AKAP19: variants seen among roughly 807,000 people sequenced by gnomAD.
AKAP19 encodes small A-kinase anchoring protein.
the AKAP19 span, among the ~76,000 whole-genome samples, chr2:190,042,284 G>A: frequency 6.6e-6 from 1 of 152,006 alleles, no homozygotes; most frequent in Non-Finnish European, 1.5e-5. Context: ...ATCTCTTCTA[G>A]GTTTTCTAGT....
the AKAP19 span, among the ~76,000 whole-genome samples, chr2:189,908,116 T>A: frequency 1.3e-5 from 2 of 152,060 alleles, no homozygotes; most frequent in Admixed American, 1.3e-4. Context: ...TTGTCTTTCC[T>A]CTTCTAGTAC....
At chr2:189,990,651 C>A in the AKAP19 span, among the ~76,000 whole-genome samples, 13 of 152,192 alleles carry the variant, frequency 8.5e-5, no homozygotes, top group African/African-American at 3.1e-4. Context: ...AGGGTTATTT[C>A]TCTTCTTTTT....
the AKAP19 span, among the ~76,000 whole-genome samples, chr2:190,117,936 G>T: frequency 9.0e-4 from 137 of 152,134 alleles, no homozygotes; most frequent in African/African-American, 3.2e-3. Context: ...AGGCAAAGCT[G>T]GTTTTTTGAA....
chr2:189,911,704 A>AT, the AKAP19 span, among the ~76,000 whole-genome samples: 2 of 152,182 alleles, frequency 1.3e-5, no homozygotes, highest in South Asian at 2.1e-4. Context: ...TTAAAGGCTG[A>AT]TTTTTTTAAA....
chr2:190,005,551 A>T, the AKAP19 span, among the ~76,000 whole-genome samples: 1 of 152,180 alleles, frequency 6.6e-6, no homozygotes, highest in East Asian at 1.9e-4. Flanking sequence ...TACTGCCATA[A>T]GACTTCTGTT....
chr2:190,129,187 C>T, the AKAP19 span, among the ~76,000 whole-genome samples: 2 of 151,972 alleles, frequency 1.3e-5, no homozygotes, highest in East Asian at 3.9e-4. Context: ...TTTACTGATG[C>T]CTCATAATTT....
At chr2:190,080,508 G>A in the AKAP19 span, among the ~76,000 whole-genome samples, 735 of 152,330 alleles carry the variant, frequency 4.8e-3, 2 homozygotes, top group African/African-American at 0.017. Flanking sequence ...AGTTTGCCAG[G>A]TGAATGAGGT....
chr2:190,063,238 C>A, the AKAP19 span, among the ~76,000 whole-genome samples: 1 of 152,010 alleles, frequency 6.6e-6, no homozygotes, highest in Non-Finnish European at 1.5e-5. Flanking sequence ...GATTATGATA[C>A]TAGTTGAGAA....
the AKAP19 span, among the ~76,000 whole-genome samples, chr2:190,010,396 T>C: frequency 1.3e-5 from 2 of 152,070 alleles, no homozygotes; most frequent in African/African-American, 4.8e-5. Context: ...AGAGATACAG[T>C]GGGATAATAG....
chr2:190,180,247 C>T, the AKAP19 span, among the ~76,000 whole-genome samples: 2 of 152,362 alleles, frequency 1.3e-5, no homozygotes, highest in East Asian at 3.9e-4. This position sits in a 1 kb window ranked among gnomAD's most constrained non-coding sequence, Gnocchi z 6.8. Flanking sequence ...GGTCTGGCAG[C>T]TCTGCCCGGC....
At chr2:189,928,767 A>G in the AKAP19 span, among the ~76,000 whole-genome samples, 1,045 of 152,214 alleles carry the variant, frequency 6.9e-3, 16 homozygotes, top group Non-Finnish European at 7.3e-3. Context: ...GCTTCATGAC[A>G]CTGTGTTTTG....
chr2:189,968,255 AG>A, the AKAP19 span, among the ~76,000 whole-genome samples: 1 of 152,184 alleles, frequency 6.6e-6, no homozygotes, highest in Non-Finnish European at 1.5e-5. Context: ...TACTTATTGT[AG>A]AGACAGGGTC....
At chr2:189,939,305 C>T in the AKAP19 span, among the ~76,000 whole-genome samples, 1 of 152,134 alleles carries the variant, frequency 6.6e-6, no homozygotes, top group Admixed American at 6.5e-5. Context: ...ATATCTCCTG[C>T]AGGACCTTCC....
At chr2:190,050,825 T>C in the AKAP19 span, among the ~76,000 whole-genome samples, 1 of 152,220 alleles carries the variant, frequency 6.6e-6, no homozygotes, top group Non-Finnish European at 1.5e-5. Context: ...ATTTTTGTGA[T>C]GCCCTCCCTC....
the AKAP19 span, among the ~76,000 whole-genome samples, chr2:189,920,447 A>G: frequency 6.6e-6 from 1 of 152,220 alleles, no homozygotes; most frequent in African/African-American, 2.4e-5. Flanking sequence ...GTTGTACACC[A>G]TTCTGCTCAC....
chr2:189,938,348 A>G, the AKAP19 span, among the ~76,000 whole-genome samples: 1 of 152,142 alleles, frequency 6.6e-6, no homozygotes, highest in Admixed American at 6.5e-5. Flanking sequence ...AAAAAAAAAA[A>G]AAAAGAAAGA....
At chr2:190,035,855 G>A in the AKAP19 span, among the ~76,000 whole-genome samples, 10 of 152,262 alleles carry the variant, frequency 6.6e-5, no homozygotes, top group Non-Finnish European at 8.8e-5. Context: ...GGTCTGTTAC[G>A]AGTGAAGCAA....
chr2:189,932,910 A>C, the AKAP19 span, among the ~76,000 whole-genome samples: 2 of 152,110 alleles, frequency 1.3e-5, no homozygotes, highest in Non-Finnish European at 2.9e-5. Context: ...GAGTATCTTA[A>C]AGATACTTAA....
At chr2:190,021,428 G>A in the AKAP19 span, among the ~76,000 whole-genome samples, 1 of 152,216 alleles carries the variant, frequency 6.6e-6, no homozygotes, top group Non-Finnish European at 1.5e-5. Context: ...CACACTTGGT[G>A]TTAGAGTTAT....
Sources: allele counts gnomAD v4.1 joint callset (sites outside exome capture counted in the v4.1 genomes callset), GRCh38; gene constraint gnomAD v4.1.1; non-coding constraint Gnocchi (gnomAD v3.1); transcripts MANE v1.5; gene names NCBI Gene and HGNC (gene_info 2026-07-23, HGNC 2026-07-21).